Variants in TMA16 observed in about 807,000 individuals in gnomAD.
TMA16 encodes translation machinery associated 16 homolog.
A neutral mutation model predicts 27.1 loss-of-function variants in TMA16; 26 were observed. That is an observed-to-expected ratio of 0.96 (90% CI 0.70 to 1.33). The LOEUF (loss-of-function observed/expected upper bound fraction) is 1.33, where lower values mean the gene tolerates loss of function less well. Ranked by LOEUF, TMA16 falls within the 40% of genes most tolerant of loss-of-function variation. TMA16 has a pLI of 0.00. For missense variants in TMA16, 233 were observed against 241.4 expected (o/e 0.97, Z 0.23); for synonymous variants, 71 against 81.9 (o/e 0.87, Z 0.72).
chr4:163,498,534 G>T (rs1043053973), intron 1 of TMA16, among the ~76,000 whole-genome samples: 6 of 152,032 alleles, frequency 3.9e-5, no homozygotes, highest in African/African-American at 1.2e-4. Context: ...TGATCTGCCC[G>T]CCTCGGCCTC....
At chr4:163,504,630 T>C (rs987084356) in intron 1 of TMA16, among the ~76,000 whole-genome samples, 3 of 152,168 alleles carry the variant, frequency 2.0e-5, no homozygotes, top group Admixed American at 6.5e-5. Context: ...CTTGAATAGA[T>C]GGGATTACAG....
intron 4 of TMA16, 94 bp from the exon 5 acceptor site, chr4:163,515,219 C>T: frequency 7.9e-7 from 1 of 1,261,450 alleles, no homozygotes; most frequent in Non-Finnish European, 1.1e-6. Context: ...CATTTAAAGG[C>T]CACATGAAGG....
intron 1 of TMA16, among the ~76,000 whole-genome samples, chr4:163,500,728 C>T (rs1171704520): frequency 1.3e-5 from 2 of 152,098 alleles, no homozygotes; most frequent in Non-Finnish European, 2.9e-5. Flanking sequence ...GCCAGGCCAA[C>T]AAGAAAATCT....
intron 1 of TMA16, among the ~76,000 whole-genome samples, chr4:163,500,731 G>A (rs1232827665): frequency 6.6e-6 from 1 of 152,150 alleles, no homozygotes; most frequent in Non-Finnish European, 1.5e-5. Flanking sequence ...AGGCCAACAA[G>A]AAAATCTGTT....
intron 4 of TMA16, among the ~76,000 whole-genome samples, chr4:163,514,630 C>A (rs1211707471): frequency 1.3e-5 from 2 of 152,072 alleles, no homozygotes; most frequent in Non-Finnish European, 2.9e-5. Context: ...GGGACCTTAT[C>A]CAAGGACATT....
Position 163,520,088 on chromosome 4 carries a change from T to C in TMA16, c.*574T>C, listed in dbSNP as rs1199452623. 1.9e-6 allele frequency: 1 copy of C among 536,930 alleles called. No individual in the cohort carries two copies. The highest frequency in any genetic ancestry group is 3.5e-5 in the Admixed American group (1 of 28,820). The allele number at this position is 536,930 out of a possible 1,614,324, so 33.3% of individuals were successfully genotyped here. ...GTAAAAGAAAAAAAATCAGTGATGA[T>C]TGTTATGTTGATCTCCCACAATTAA... On this transcript the variant is annotated 3_prime_UTR_variant, in exon 7 of 7. Coordinates refer to ENST00000358572, the MANE Select transcript of TMA16 (RefSeq NM_018352.3).
At chr4:163,501,118 G>A (rs1220103620) in intron 1 of TMA16, among the ~76,000 whole-genome samples, 3 of 152,138 alleles carry the variant, frequency 2.0e-5, no homozygotes, top group African/African-American at 7.2e-5. Context: ...CCTCCCATCT[G>A]AATATTCTTG....
Position 163,519,971 on chromosome 4 carries a change from CT to C in TMA16, c.*463del. ...TCTTTTAAACATTAAACCTATTTTC[CT>C]TTTTTACAGAATAAGGGAAAATGTG... On this transcript the variant is annotated 3_prime_UTR_variant, in exon 7 of 7. Coordinates refer to ENST00000358572, the MANE Select transcript of TMA16 (RefSeq NM_018352.3). 5.1e-6 allele frequency: 3 copies of C among 594,042 alleles called. No homozygotes were observed. The highest frequency in any genetic ancestry group is 3.1e-5 in the East Asian group (1 of 32,074). The allele number at this position is 594,042 out of a possible 1,614,324, so 36.8% of individuals were successfully genotyped here. A position where few individuals can be genotyped will look rare whatever the true frequency, so the allele number is the denominator to read the frequency against.
Position 163,519,581 on chromosome 4 carries a change from C to A in TMA16, c.*67C>A. ...AAATTATATTCATTGATTATGGTAC[C>A]TAATTGTCATGATACAAAAATTTGA... On this transcript the variant is annotated 3_prime_UTR_variant, in exon 7 of 7. Coordinates refer to ENST00000358572, the MANE Select transcript of TMA16 (RefSeq NM_018352.3). The A allele has an allele frequency of 7.0e-7, 1 of 1,419,794 alleles. No homozygotes were observed. The highest frequency in any genetic ancestry group is 9.3e-7 in the Non-Finnish European group (1 of 1,072,790). The allele number at this position is 1,419,794 out of a possible 1,614,324, so 87.9% of individuals were successfully genotyped here.
chr4:163,497,292 A>G (rs1006505744), intron 1 of TMA16, among the ~76,000 whole-genome samples: 5 of 152,256 alleles, frequency 3.3e-5, no homozygotes, highest in African/African-American at 7.2e-5. Flanking sequence ...AAAGAAAAAC[A>G]TTAATGGAAA....
intron 4 of TMA16, among the ~76,000 whole-genome samples, chr4:163,515,036 G>A (rs530157502): frequency 1.3e-5 from 2 of 152,228 alleles, no homozygotes; most frequent in East Asian, 3.9e-4. Flanking sequence ...CAGTTTTGAT[G>A]TGCTAACGGT....
chr4:163,494,695 C>T lies in TMA16; in HGVS notation c.-107C>T, dbSNP rs1737520443. ...TGGGTCGGCGCGGGCTTCTCAGGCG[C>T]CACGTGGGATTCGGCCCGGGTGCTC... On this transcript the variant is annotated 5_prime_UTR_variant, in exon 1 of 7. Transcript: ENST00000358572. 3 of 1,514,658 alleles carry T rather than the reference C, an allele frequency of 2.0e-6. No homozygotes were observed. Among genetic ancestry groups the T allele is most frequent in the Non-Finnish European group, 2.7e-6 (3 of 1,093,830 alleles). The allele number at this position is 1,514,658 out of a possible 1,614,324, so 93.8% of individuals were successfully genotyped here.
intron 6 of TMA16, 96 bp from the exon 7 acceptor site, chr4:163,519,238 A>C: frequency 4.6e-6 from 5 of 1,082,442 alleles, no homozygotes; most frequent in Non-Finnish European, 5.1e-6. Context: ...TTGAATATGT[A>C]GGATCCTCAG....
At chr4:163,517,678 G>C (rs1737902234) in intron 6 of TMA16, 3 of 506,002 alleles carry the variant, frequency 5.9e-6, no homozygotes, top group Non-Finnish European at 3.4e-6. Context: ...GTAACCTGGT[G>C]TGCTTTTTGT....
intron 6 of TMA16, 75 bp downstream of exon 6, chr4:163,517,551 T>A: frequency 7.5e-7 from 1 of 1,340,438 alleles, no homozygotes; most frequent in South Asian, 1.3e-5. Flanking sequence ...CCCCTTTGAG[T>A]CTAGCCGGTA....
chr4:163,505,626 A>G (rs1005235942), intron 1 of TMA16, among the ~76,000 whole-genome samples: 1 of 152,220 alleles, frequency 6.6e-6, no homozygotes, highest in Non-Finnish European at 1.5e-5. Flanking sequence ...TGAGAAGTTC[A>G]GTAAGAATGG....
chr4:163,520,190 G>T lies in TMA16; in HGVS notation c.*676G>T, dbSNP rs1737950739. 3.2e-6 allele frequency: 1 copy of T among 309,716 alleles called. No homozygotes were observed. Among genetic ancestry groups the T allele is most frequent in the Non-Finnish European group, 5.8e-6 (1 of 171,318 alleles). The allele number at this position is 309,716 out of a possible 1,614,324, so 19.2% of individuals were successfully genotyped here. A position where few individuals can be genotyped will look rare whatever the true frequency, so the allele number is the denominator to read the frequency against. On this transcript the variant is annotated 3_prime_UTR_variant, in exon 7 of 7. Coordinates refer to ENST00000358572, the MANE Select transcript of TMA16 (RefSeq NM_018352.3). ...GTATATTATTTTTTGCTTTTTTATT[G>T]TGAAAAGAGGTAGGTTTTATTTGTG...
intron 6 of TMA16, among the ~76,000 whole-genome samples, chr4:163,518,302 A>T (rs1277554999): frequency 6.6e-6 from 1 of 152,176 alleles, no homozygotes; most frequent in Non-Finnish European, 1.5e-5. Context: ...AAACCTAGTA[A>T]ATACCCTTCT....
intron 3 of TMA16, among the ~76,000 whole-genome samples, chr4:163,513,457 T>C (rs1180655816): frequency 1.3e-5 from 2 of 152,152 alleles, no homozygotes; most frequent in Non-Finnish European, 2.9e-5. Context: ...TCTTGAGAAA[T>C]CTAACTGAAA....
Sources: gnomAD v4.1 joint callset for allele counts (sites outside exome capture counted in the v4.1 genomes callset) on GRCh38, gnomAD v4.1.1 for gene constraint, MANE v1.5 for transcripts, NCBI Gene and HGNC (gene_info 2026-07-23, HGNC 2026-07-21) for gene names.